The following TRPC5 variants were observed in gnomAD, a reference collection of about 807,000 sequenced individuals.
TRPC5 encodes short transient receptor potential channel 5.
A neutral mutation model predicts 56.5 loss-of-function variants in TRPC5; 9 were observed. The observed-to-expected ratio is 0.16, with a 90% confidence interval of 0.10 to 0.28. The LOEUF (loss-of-function observed/expected upper bound fraction) is 0.28. Ranked by LOEUF, TRPC5 falls within the 10% of genes least tolerant of loss-of-function variation. TRPC5 has a pLI of 1.00. For synonymous variants in TRPC5, 282 were observed against 278.5 expected (o/e 1.01, Z -0.13); for missense variants, 469 against 748.9 (o/e 0.63, Z 4.36).
At chrX:111,825,695 C>T (rs1332853039) in intron 7 of TRPC5, among the ~76,000 whole-genome samples, 1 of 111,736 alleles carries the variant, frequency 8.9e-6, no homozygotes, top group Non-Finnish European at 1.9e-5. Context: ...CCTTGGAGTT[C>T]GAGGGTCAAC....
chrX:111,911,140 C>A (rs189885514), intron 3 of TRPC5, among the ~76,000 whole-genome samples: 1 of 107,871 alleles, frequency 9.3e-6, no homozygotes, highest in Non-Finnish European at 1.9e-5. Context: ...TTTATTTTTG[C>A]CTGAGAAAAA....
At chrX:112,025,318 CAATTATAGA>C (rs1246847368) in intron 1 of TRPC5, among the ~76,000 whole-genome samples, 1 of 111,833 alleles carries the variant, frequency 8.9e-6, no homozygotes, top group Non-Finnish European at 1.9e-5. Context: ...CCAGTTATGC[CAATTATAGA>C]AATTATAGCT....
intron 1 of TRPC5, among the ~76,000 whole-genome samples, chrX:111,959,660 G>GGA (rs766734049): frequency 8.7e-4 from 97 of 111,610 alleles, no homozygotes; most frequent in African/African-American, 2.8e-3. Flanking sequence ...GACATCAGGA[G>GGA]GAGATCCAGT....
chrX:112,026,759 G>T (rs975924122), intron 1 of TRPC5, among the ~76,000 whole-genome samples: 1 of 110,703 alleles, frequency 9.0e-6, no homozygotes, highest in Non-Finnish European at 1.9e-5. Flanking sequence ...CTATTTGTAT[G>T]TGTAGAGTCC....
At chrX:112,023,619 GC>G (rs1359034338) in intron 1 of TRPC5, among the ~76,000 whole-genome samples, 1 of 111,322 alleles carries the variant, frequency 9.0e-6, no homozygotes, top group Non-Finnish European at 1.9e-5. Flanking sequence ...GACTTGGCTT[GC>G]CATTTAGCTT....
chrX:111,981,164 T>C (rs780144598), intron 1 of TRPC5, among the ~76,000 whole-genome samples: 1 of 109,855 alleles, frequency 9.1e-6, no homozygotes, highest in East Asian at 2.9e-4. Flanking sequence ...TCTAGTCTGA[T>C]TCCAAAAGCC....
intron 1 of TRPC5, among the ~76,000 whole-genome samples, chrX:112,020,975 A>G (rs1353318662): frequency 9.3e-6 from 1 of 107,643 alleles, no homozygotes; most frequent in Non-Finnish European, 1.9e-5. Context: ...AGGCCACTTG[A>G]TAACTTCCAT....
intron 1 of TRPC5, among the ~76,000 whole-genome samples, chrX:112,035,621 ATTTAT>A (rs200268172): frequency 0.023 from 2,536 of 109,695 alleles, 88 homozygotes; most frequent in African/African-American, 0.08. Context: ...TGTATATGTT[ATTTAT>A]TTTATTTTAT....
At chrX:111,852,215 TCAAAAC>T in intron 5 of TRPC5, 77 bp downstream of exon 5, 2 of 945,952 alleles carry the variant, frequency 2.1e-6, no homozygotes, top group Admixed American at 5.8e-5. Flanking sequence ...TCACTTTTTC[TCAAAAC>T]TCTTTATGCT....
intron 7 of TRPC5, among the ~76,000 whole-genome samples, chrX:111,806,125 G>T (rs1921502445): frequency 9.0e-6 from 1 of 111,347 alleles, no homozygotes; most frequent in African/African-American, 3.3e-5. Context: ...TAATATGTTG[G>T]GTTAAACAAG....
Position 111,877,121 on chromosome X carries a change from G to A in TRPC5, c.901-23015C>T, listed in dbSNP as rs1450018225. On this transcript the variant is annotated intron_variant, in intron 3 of 10. Transcript: ENST00000262839. ...GGAGTAGGGTGATAGCATGGCTGGAGGCAGGTGGACTGATTGAGTCTACTG... is the reference window on the plus strand; with the variant it reads ...GGAGTAGGGTGATAGCATGGCTGGAAGCAGGTGGACTGATTGAGTCTACTG... 5.5e-4 allele frequency among the ~76,000 whole-genome samples: 62 copies of A among 111,837 alleles called. 1 individual carries two copies. In the Admixed American group the frequency reaches 5.9e-3, roughly 11 times the overall value.
At chrX:111,794,188 G>A (rs749256926) in intron 7 of TRPC5, among the ~76,000 whole-genome samples, 1 of 111,834 alleles carries the variant, frequency 8.9e-6, no homozygotes, top group Admixed American at 9.5e-5. Flanking sequence ...AAATTTTATT[G>A]TATGTGAATT....
rs1205888471 is a variant in TRPC5, at chrX:111,772,465, G to A, written c.*3848C>T. 1.8e-5 allele frequency among the ~76,000 whole-genome samples: 2 copies of A among 111,374 alleles called. No homozygotes were observed. The highest frequency in any genetic ancestry group is 3.8e-5 in the Non-Finnish European group (2 of 53,148). ...ATTTATTTATTTTTGAGACAGTCTC[G>A]CTCTGCCGCCCAGGCTTGAGTGCAG... is the stretch of plus-strand genomic sequence containing the variant. On this transcript the variant is annotated 3_prime_UTR_variant, in exon 11 of 11. Coordinates refer to ENST00000262839, the MANE Select transcript of TRPC5 (RefSeq NM_012471.3).
rs768221037 is a variant in TRPC5 at position 111,818,726 on chromosome X, C to A, written c.1896+16195G>T. On this transcript the variant is annotated intron_variant, in intron 7 of 10. Coordinates refer to ENST00000262839, the MANE Select transcript of TRPC5 (RefSeq NM_012471.3). ...TCTAGCGATTCTCCTCCCTCAGCCT[C>A]CCAAGTAGCTGGGATTACAGGTGCA... Among the ~76,000 whole-genome samples the A allele has an allele frequency of 1.5e-4, 16 of 108,308 alleles. No individual in the cohort carries two copies. The South Asian group carries it at 6.2e-3, about 42-fold the overall frequency. The allele number at this position is 108,308 out of a possible 115,157, so 94.1% of individuals were successfully genotyped here.
chrX:112,007,751 C>T (rs185688926), intron 1 of TRPC5, among the ~76,000 whole-genome samples: 53 of 111,750 alleles, frequency 4.7e-4, no homozygotes, highest in African/African-American at 1.7e-3. Flanking sequence ...AAAGCAGATG[C>T]CCTTGCTCTC....
At chrX:111,845,622 G>C (rs1301270085) in intron 6 of TRPC5, among the ~76,000 whole-genome samples, 2 of 112,078 alleles carry the variant, frequency 1.8e-5, no homozygotes, top group Non-Finnish European at 3.8e-5. Flanking sequence ...ATCTAATTCT[G>C]TTGAACACTT....
chrX:111,820,898 A>G (rs951415703), intron 7 of TRPC5, among the ~76,000 whole-genome samples: 1 of 112,186 alleles, frequency 8.9e-6, no homozygotes, highest in African/African-American at 3.2e-5. Context: ...TGAGTTGATT[A>G]ATGTTCCTGT....
chrX:111,977,342 A>G (rs749182232), intron 1 of TRPC5, among the ~76,000 whole-genome samples: 57 of 111,860 alleles, frequency 5.1e-4, no homozygotes, highest in African/African-American at 1.8e-3. Flanking sequence ...TTTATGGTCA[A>G]CTGATCTTCG....
At chrX:111,914,605 C>G (rs1462403540) in intron 2 of TRPC5, among the ~76,000 whole-genome samples, 1 of 112,132 alleles carries the variant, frequency 8.9e-6, no homozygotes. Flanking sequence ...TGAAAGATGA[C>G]TGCATAATGG....
Sources: gnomAD v4.1 joint callset for allele counts (sites outside exome capture counted in the v4.1 genomes callset) on GRCh38, gnomAD v4.1.1 for gene constraint, MANE v1.5 for transcripts, NCBI Gene and HGNC (gene_info 2026-07-23, HGNC 2026-07-21) for gene names.